KCTD8: variants seen among roughly 807,000 people sequenced by gnomAD.
KCTD8 encodes potassium channel tetramerization domain containing 8, also known as BTB/POZ domain-containing protein KCTD8.
A neutral mutation model predicts 31.5 loss-of-function variants in KCTD8; 27 were observed. The observed-to-expected ratio is 0.86, with a 90% CI of 0.63 to 1.18. The LOEUF (loss-of-function observed/expected upper bound fraction) is 1.18, where lower values mean the gene tolerates loss of function less well. Ranked by LOEUF, KCTD8 falls within the 50% of genes most tolerant of loss-of-function variation. KCTD8 has a pLI of 0.00. For missense variants in KCTD8, 658 were observed against 647.7 expected, an observed-to-expected ratio of 1.02 and a Z score of -0.17; for synonymous variants, 290 against 280.0, an observed-to-expected ratio of 1.04 and a Z score of -0.36.
At chr4:44,416,680 C>T (rs1254264650) in intron 1 of KCTD8, among the ~76,000 whole-genome samples, 3 of 152,156 alleles carry the variant, frequency 2.0e-5, no homozygotes, top group East Asian at 3.9e-4. Context: ...ACAACATTAG[C>T]TCCTCCTTCA....
At chr4:44,208,845 T>C (rs1263470378) in intron 1 of KCTD8, among the ~76,000 whole-genome samples, 1 of 152,156 alleles carries the variant, frequency 6.6e-6, no homozygotes, top group African/African-American at 2.4e-5. Context: ...CTGCAATGCT[T>C]GTTGGCTCTG....
At chr4:44,317,361 T>C (rs575857754) in intron 1 of KCTD8, among the ~76,000 whole-genome samples, 5 of 140,642 alleles carry the variant, frequency 3.6e-5, no homozygotes, top group African/African-American at 1.4e-4. Context: ...TGCCTCAGCC[T>C]CCCGAGTAGC....
chr4:44,201,050 C>T (rs1714131899), intron 1 of KCTD8, among the ~76,000 whole-genome samples: 1 of 151,868 alleles, frequency 6.6e-6, no homozygotes, highest in South Asian at 2.1e-4. Flanking sequence ...AACATAATCC[C>T]ATTTACAATA....
At position 44,447,877 on chromosome 4, in the gene KCTD8, G is replaced by A. The variant is rs763521548; in HGVS notation, c.647C>T (p.Ser216Phe). Residue 216 changes from serine to phenylalanine, a missense_variant, in exon 1 of 2, where the codon TCC becomes TTC. Transcript: ENST00000360029. ...CTGGTTGTCGCGCACGGTGGTGTAG[G>A]AGCCCCGGTAGCCCAGCGTGAGGAA... ...SGFLTLGYRG[S>F]YTTVRDNQAD... The A allele has an allele frequency of 4.5e-6, 7 of 1,553,902 alleles. No individual in the cohort carries two copies. The highest frequency in any genetic ancestry group is 6.1e-6 in the Non-Finnish European group (7 of 1,147,554).
At chr4:44,303,876 G>C (rs1234178800) in intron 1 of KCTD8, among the ~76,000 whole-genome samples, 2 of 152,028 alleles carry the variant, frequency 1.3e-5, no homozygotes, top group Non-Finnish European at 2.9e-5. Flanking sequence ...CTAAAAGAAA[G>C]CAAGCATTCT....
At chr4:44,322,659 G>T (rs528853066) in intron 1 of KCTD8, among the ~76,000 whole-genome samples, 1 of 151,830 alleles carries the variant, frequency 6.6e-6, no homozygotes, top group Non-Finnish European at 1.5e-5. Flanking sequence ...AAAAATCTTT[G>T]CCCAGGCCAA....
chr4:44,446,464 T>C (rs1355095174), intron 1 of KCTD8, among the ~76,000 whole-genome samples: 1 of 152,160 alleles, frequency 6.6e-6, no homozygotes, highest in Non-Finnish European at 1.5e-5. Context: ...TTTGTCCAAA[T>C]CGCTCTCTAG....
chr4:44,441,469 AT>A (rs1321691161), intron 1 of KCTD8, among the ~76,000 whole-genome samples: 2 of 152,186 alleles, frequency 1.3e-5, no homozygotes, highest in Non-Finnish European at 2.9e-5. Context: ...AAATTTTAAA[AT>A]TTTGAGTTCA....
intron 1 of KCTD8, among the ~76,000 whole-genome samples, chr4:44,226,184 C>T (rs903309243): frequency 4.6e-5 from 7 of 152,068 alleles, no homozygotes; most frequent in Non-Finnish European, 8.8e-5. Flanking sequence ...AATGCTCTCC[C>T]TCCCTTTGGC....
At chr4:44,341,272 T>G (rs527452806) in intron 1 of KCTD8, among the ~76,000 whole-genome samples, 1 of 152,312 alleles carries the variant, frequency 6.6e-6, no homozygotes, top group East Asian at 1.9e-4. Flanking sequence ...TGGTGGAGGA[T>G]CCTTGCCTAG....
chr4:44,329,448 T>C (rs7668238), intron 1 of KCTD8, among the ~76,000 whole-genome samples: 82 of 152,128 alleles, frequency 5.4e-4, no homozygotes, highest in African/African-American at 1.9e-3. Context: ...TACTTTATCT[T>C]CTAATTTTTT....
At chr4:44,438,086 C>T (rs1721719976) in intron 1 of KCTD8, among the ~76,000 whole-genome samples, 1 of 152,090 alleles carries the variant, frequency 6.6e-6, no homozygotes, top group Non-Finnish European at 1.5e-5. Flanking sequence ...TAGGTGCAGA[C>T]TCACCAACCA....
chr4:44,282,681 C>G (rs1397695306), intron 1 of KCTD8, among the ~76,000 whole-genome samples: 1 of 152,050 alleles, frequency 6.6e-6, no homozygotes, highest in Non-Finnish European at 1.5e-5. Flanking sequence ...AGCCAGTGAA[C>G]ACATGAGTGA....
rs187240931 is a variant in KCTD8 at position 44,295,289 on chromosome 4, C to T, written c.962-120039G>A. ...CCAGCCCAGGTGACAGAATGAACCC[C>T]GTCTCAAAAAATAAAAATAAAAAGA... On this transcript the variant is annotated intron_variant, in intron 1 of 1. Transcript: ENST00000360029. Among the ~76,000 whole-genome samples the T allele has an allele frequency of 1.9e-4, 29 of 151,994 alleles. 1 individual carries two copies. The highest frequency in any genetic ancestry group is 1.8e-3 in the Admixed American group (28 of 15,260).
At chr4:44,378,450 A>C (rs1719974476) in intron 1 of KCTD8, among the ~76,000 whole-genome samples, 2 of 151,570 alleles carry the variant, frequency 1.3e-5, no homozygotes, top group Admixed American at 1.3e-4. Context: ...CCTAGAACTT[A>C]AAGTATGATA....
rs555709074 is a variant in KCTD8, at chr4:44,238,254, C to G, written c.962-63004G>C. 2.6e-5 allele frequency among the ~76,000 whole-genome samples: 4 copies of G among 152,062 alleles called. No individual in the cohort carries two copies. The South Asian group carries it at 8.3e-4, about 32-fold the overall frequency. On this transcript the variant is annotated intron_variant, in intron 1 of 1. Coordinates refer to ENST00000360029, the MANE Select transcript of KCTD8 (RefSeq NM_198353.3). ...CCTCTTTCAGCTTGAGCTTTACTCCCTAAGGGAAGCTGCCTTGGCCCTTCA... is the reference window on the plus strand; with the variant it reads ...CCTCTTTCAGCTTGAGCTTTACTCCGTAAGGGAAGCTGCCTTGGCCCTTCA...
At chr4:44,310,955 A>AC (rs1432536030) in intron 1 of KCTD8, among the ~76,000 whole-genome samples, 1 of 152,094 alleles carries the variant, frequency 6.6e-6, no homozygotes, top group African/African-American at 2.4e-5. Flanking sequence ...CAAGACCAGA[A>AC]CAAAGCAGAA....
chr4:44,308,297 C>T (rs1289802465), intron 1 of KCTD8, among the ~76,000 whole-genome samples: 2 of 151,524 alleles, frequency 1.3e-5, no homozygotes, highest in African/African-American at 2.4e-5. Flanking sequence ...CACTAAGCTT[C>T]GAATCTATGT....
chr4:44,337,634 AC>A (rs1718783761), intron 1 of KCTD8, among the ~76,000 whole-genome samples: 1 of 150,926 alleles, frequency 6.6e-6, no homozygotes, highest in South Asian at 2.1e-4. Flanking sequence ...AGATTGCACC[AC>A]TGCACTCCAG....
Sources: gnomAD v4.1 joint callset for allele counts (sites outside exome capture counted in the v4.1 genomes callset) on GRCh38, gnomAD v4.1.1 for gene constraint, MANE v1.5 for transcripts, NCBI Gene and HGNC (gene_info 2026-07-23, HGNC 2026-07-21) for gene names.